KCNJ6: variants seen among roughly 807,000 people sequenced by gnomAD.
KCNJ6 encodes potassium inwardly rectifying channel subfamily J member 6, also known as G protein-activated inward rectifier potassium channel 2.
A neutral mutation model predicts 34.2 loss-of-function variants in KCNJ6; 9 were observed. That is an observed-to-expected ratio of 0.26 (90% CI 0.16 to 0.46). The LOEUF (loss-of-function observed/expected upper bound fraction) is 0.46. KCNJ6 is among the 20% of genes least tolerant of loss of function. The pLI is 1.00. For synonymous variants in KCNJ6, 196 were observed against 207.1 expected (o/e 0.95, Z 0.46); for missense variants, 236 against 531.3 (o/e 0.44, Z 5.46).
chr21:37,729,334 T>A lies in KCNJ6; in HGVS notation c.26-14203A>T, dbSNP rs1003183529. Among the ~76,000 whole-genome samples the A allele has an allele frequency of 9.8e-5, 13 of 132,296 alleles. No homozygotes were observed. In the South Asian group the frequency reaches 3.0e-3, roughly 30 times the overall value. 86.8% of individuals were successfully genotyped at this position (132,296 alleles called of 152,430 possible). ...TCAATACCCTGATTCTTCTTCTTTT[T>A]GGGGGGGGGGGCAGGGTCTCACTCT... On this transcript the variant is annotated intron_variant, in intron 2 of 3. Coordinates refer to ENST00000609713, the MANE Select transcript of KCNJ6 (RefSeq NM_002240.5).
chr21:37,833,022 CT>C (rs11445154), intron 2 of KCNJ6, among the ~76,000 whole-genome samples: 2 of 150,394 alleles, frequency 1.3e-5, no homozygotes, highest in Non-Finnish European at 3.0e-5. Context: ...CTTTTCTTTT[CT>C]TTTTTTTTGA....
At chr21:37,816,475 A>G (rs1247633637) in intron 2 of KCNJ6, among the ~76,000 whole-genome samples, 2 of 152,234 alleles carry the variant, frequency 1.3e-5, no homozygotes, top group Non-Finnish European at 2.9e-5. Context: ...TTACAAACGA[A>G]CTGACTTTTA....
intron 3 of KCNJ6, among the ~76,000 whole-genome samples, chr21:37,634,492 G>T (rs1402508205): frequency 6.6e-6 from 1 of 152,072 alleles, no homozygotes; most frequent in South Asian, 2.1e-4. Context: ...TTCCTTTATA[G>T]TAACACAATG....
chr21:37,721,858 A>G (rs920917732), intron 2 of KCNJ6, among the ~76,000 whole-genome samples: 4 of 151,956 alleles, frequency 2.6e-5, no homozygotes, highest in African/African-American at 9.7e-5. Flanking sequence ...GGTTAGCCCA[A>G]GGTAATGGTG....
intron 2 of KCNJ6, among the ~76,000 whole-genome samples, chr21:37,720,066 T>C (rs2054816647): frequency 6.6e-6 from 1 of 151,756 alleles, no homozygotes; most frequent in Non-Finnish European, 1.5e-5. Flanking sequence ...TGGAAGGAAA[T>C]ACACCAGATG....
chr21:37,846,351 C>T (rs2055507311), intron 1 of KCNJ6, among the ~76,000 whole-genome samples: 1 of 129,968 alleles, frequency 7.7e-6, no homozygotes, highest in African/African-American at 3.1e-5. Flanking sequence ...GGCTGAGACA[C>T]TCTGTGTGTG....
At chr21:37,881,934 A>G (rs2123624303) in intron 1 of KCNJ6, among the ~76,000 whole-genome samples, 1 of 152,276 alleles carries the variant, frequency 6.6e-6, no homozygotes, top group Non-Finnish European at 1.5e-5. Flanking sequence ...CAACAGGAGG[A>G]AATTTGTGAC....
chr21:37,762,980 C>G (rs2055073172), intron 2 of KCNJ6, among the ~76,000 whole-genome samples: 1 of 152,188 alleles, frequency 6.6e-6, no homozygotes, highest in South Asian at 2.1e-4. Flanking sequence ...CACACAGATG[C>G]TACTGGAGTG....
chr21:37,887,386 G>A (rs2055741195), intron 1 of KCNJ6, among the ~76,000 whole-genome samples: 1 of 152,092 alleles, frequency 6.6e-6, no homozygotes, highest in Non-Finnish European at 1.5e-5. Flanking sequence ...AGTTTTCAGT[G>A]GTTGCTATCA....
chr21:37,716,329 C>G (rs1053821941), intron 2 of KCNJ6, among the ~76,000 whole-genome samples: 1 of 151,728 alleles, frequency 6.6e-6, no homozygotes, highest in African/African-American at 2.4e-5. Context: ...CAACATTCAA[C>G]ATCTGTAATT....
intron 2 of KCNJ6, among the ~76,000 whole-genome samples, chr21:37,764,520 A>C (rs1417801720): frequency 6.6e-6 from 1 of 151,900 alleles, no homozygotes; most frequent in Non-Finnish European, 1.5e-5. Flanking sequence ...CTGAGATTAC[A>C]GGCGTGCGCC....
chr21:37,805,506 T>A (rs1343143859), intron 2 of KCNJ6, among the ~76,000 whole-genome samples: 1 of 152,002 alleles, frequency 6.6e-6, no homozygotes, highest in Non-Finnish European at 1.5e-5. Flanking sequence ...ACCCTTTGCA[T>A]CCTGAATTTT....
chr21:37,879,737 G>A (rs2055697444), intron 1 of KCNJ6, among the ~76,000 whole-genome samples: 2 of 151,548 alleles, frequency 1.3e-5, no homozygotes, highest in East Asian at 3.9e-4. Flanking sequence ...GTGTGTGTGT[G>A]TGTGTGTGTG....
chr21:37,817,655 A>G (rs1424994820), intron 2 of KCNJ6, among the ~76,000 whole-genome samples: 2 of 152,300 alleles, frequency 1.3e-5, no homozygotes, highest in African/African-American at 4.8e-5. Context: ...ACCCTTTGCA[A>G]GTCAGCTGAC....
chr21:37,865,026 C>T (rs544636118), intron 1 of KCNJ6, among the ~76,000 whole-genome samples: 2 of 152,200 alleles, frequency 1.3e-5, no homozygotes, highest in South Asian at 4.2e-4. Context: ...GTTCTCTATG[C>T]CCATGAGGCT....
rs781176566 is a variant in KCNJ6, at chr21:37,657,191, C to A, written c.947-31707G>T. 1.3e-3 allele frequency among the ~76,000 whole-genome samples: 203 copies of A among 152,298 alleles called. 1 individual carries two copies. The highest frequency in any genetic ancestry group is 2.8e-4 in the Non-Finnish European group (19 of 68,028). On this transcript the variant is annotated intron_variant, in intron 3 of 3. Transcript: ENST00000609713. ...GGGACCTGGGAACTCTCTCCTCCAA[C>A]GGCCCTGATCCAAGGCCTGTGCTGG...
At chr21:37,819,015 C>T (rs1015124804) in intron 2 of KCNJ6, among the ~76,000 whole-genome samples, 1 of 152,192 alleles carries the variant, frequency 6.6e-6, no homozygotes, top group African/African-American at 2.4e-5. Context: ...AGGTATATTA[C>T]TTCACCCCTA....
intron 2 of KCNJ6, among the ~76,000 whole-genome samples, chr21:37,830,031 G>A (rs1354469041): frequency 2.0e-5 from 3 of 152,156 alleles, no homozygotes; most frequent in Non-Finnish European, 4.4e-5. Flanking sequence ...TCCTCCACCT[G>A]CCCACTTTCC....
chr21:37,616,770 G>A lies in KCNJ6; in HGVS notation c.*8389C>T, dbSNP rs2835835. ...GGGTGCCAGGAAAAGTGAAGTTTTC[G>A]TGGTGAGATGAGGGAGCAAATTAAG... On this transcript the variant is annotated 3_prime_UTR_variant, in exon 4 of 4. Transcript: ENST00000609713. 0.31 allele frequency: 47,248 copies of A among 150,324 alleles called. 7,661 individuals are homozygous for A. The highest frequency in any genetic ancestry group is 0.35 in the South Asian group (1,660 of 4,722). The allele number at this position is 150,324 out of a possible 1,614,324, so 9.3% of individuals were successfully genotyped here.
Sources: allele counts gnomAD v4.1 joint callset (sites outside exome capture counted in the v4.1 genomes callset), GRCh38; gene constraint gnomAD v4.1.1; transcripts MANE v1.5; gene names NCBI Gene and HGNC (gene_info 2026-07-23, HGNC 2026-07-21).